NBPF12: variants seen among roughly 807,000 people sequenced by gnomAD.
NBPF12 encodes NBPF family member NBPF12.
In NBPF12, 115 loss-of-function variants were observed where a neutral mutation model predicts 146.4. The observed-to-expected ratio is 0.79, with a 90% CI of 0.68 to 0.92. NBPF12 has a LOEUF of 0.92. Among genes scored for constraint, NBPF12 ranks in the 40% least tolerant of loss-of-function variants. NBPF12 has a pLI of 0.00. For synonymous variants in NBPF12, 385 were observed against 508.9 expected, an observed-to-expected ratio of 0.76 and a Z score of 3.28; for missense variants, 1,205 against 1,326.8, an observed-to-expected ratio of 0.91 and a Z score of 1.43.
chr1:146,970,566 C>G, intron 11 of NBPF12, 81 bp from the exon 15 acceptor site: 1 of 1,528,650 alleles, frequency 6.5e-7, no homozygotes, highest in Non-Finnish European at 9.0e-7. Flanking sequence ...CATAGATGTT[C>G]ATGTCTCTGT....
chr1:146,947,647 T>G (rs1488472736), upstream of NBPF12, among the ~76,000 whole-genome samples: 88 of 131,418 alleles, frequency 6.7e-4, 1 homozygote, highest in African/African-American at 2.4e-3. Context: ...TGAACCTGTT[T>G]GTAGTCATTT....
At chr1:146,972,725 C>T (rs1553886756) in intron 13 of NBPF12, 26 bp from the exon 17 acceptor site, 74 of 1,369,416 alleles carry the variant, frequency 5.4e-5, no homozygotes, top group Non-Finnish European at 7.1e-5. Flanking sequence ...TTTAACCCAT[C>T]ATGTGTTTGC....
At chr1:146,961,279 T>C (rs1176406361) in intron 4 of NBPF12, among the ~76,000 whole-genome samples, 8 of 151,518 alleles carry the variant, frequency 5.3e-5, no homozygotes, top group East Asian at 1.9e-4. Flanking sequence ...CACCCGAGAA[T>C]GTGTGGAAGC....
At chr1:146,944,247 C>T (rs1654922931) in intron 2 of NBPF12, among the ~76,000 whole-genome samples, 2 of 130,702 alleles carry the variant, frequency 1.5e-5, no homozygotes, top group African/African-American at 5.7e-5. Context: ...GTACCATGCC[C>T]TGCTCTGGGC....
At chr1:146,981,323 A>C (rs1191090029) in intron 19 of NBPF12, among the ~76,000 whole-genome samples, 3 of 144,362 alleles carry the variant, frequency 2.1e-5, no homozygotes, top group Non-Finnish European at 4.5e-5. Context: ...ATACATACAC[A>C]CAAAAAATAA....
At chr1:146,962,397 A>G (rs1408849932) in intron 5 of NBPF12, 134 bp downstream of exon 8, 3 of 722,860 alleles carry the variant, frequency 4.2e-6, no homozygotes, top group African/African-American at 3.5e-5. Context: ...CTCATGACAC[A>G]CAAATATTTA....
At chr1:146,962,912 A>G (rs1207723859) in intron 5 of NBPF12, among the ~76,000 whole-genome samples, 183 bp from the exon 9 acceptor site, 5 of 151,344 alleles carry the variant, frequency 3.3e-5, no homozygotes, top group Non-Finnish European at 5.9e-5. Context: ...CCTCTCTGAT[A>G]GAGGGAAAGC....
chr1:146,960,568 G>A (rs1655785203), intron 4 of NBPF12, among the ~76,000 whole-genome samples: 1 of 151,980 alleles, frequency 6.6e-6, no homozygotes, highest in Admixed American at 6.5e-5. Flanking sequence ...TCTGACACAG[G>A]CACAGAATGA....
intron 31 of NBPF12, among the ~76,000 whole-genome samples, chr1:146,992,494 G>GTC (rs1658257784): frequency 8.3e-6 from 1 of 120,818 alleles, no homozygotes. Context: ...GTGTGTGTGT[G>GTC]TGTGTGTGTG....
upstream of NBPF12, among the ~76,000 whole-genome samples, chr1:146,945,125 T>A (rs1654990571): frequency 6.7e-6 from 1 of 149,622 alleles, no homozygotes; most frequent in Admixed American, 6.6e-5. Context: ...CTTTCCTTTC[T>A]TCTTTTCTTT....
chr1:146,984,575 CACTGTGTGTGTGTGTG>C (rs1312806717), intron 21 of NBPF12, among the ~76,000 whole-genome samples: 3 of 125,114 alleles, frequency 2.4e-5, no homozygotes, highest in East Asian at 2.4e-4. Context: ...ACTGAGCTCA[CACTGTGTGTGTGTGTG>C]TGTGTGTGTG....
upstream of NBPF12, among the ~76,000 whole-genome samples, chr1:146,938,412 C>T (rs1654628463): frequency 6.6e-6 from 1 of 152,084 alleles, no homozygotes; most frequent in African/African-American, 2.4e-5. Context: ...GTGTGTCTCC[C>T]GCCTCTTTAA....
upstream of NBPF12, among the ~76,000 whole-genome samples, chr1:146,938,521 CG>C (rs1654634330): frequency 6.7e-6 from 1 of 149,906 alleles, no homozygotes; most frequent in Non-Finnish European, 1.5e-5. Context: ...GGGATTTTCC[CG>C]TCCCCGCTGC....
At chr1:146,963,063 A>G (rs1263487498) in intron 5 of NBPF12, 32 bp from the exon 9 acceptor site, 36 of 1,610,098 alleles carry the variant, frequency 2.2e-5, no homozygotes, top group South Asian at 3.3e-5. Flanking sequence ...AACGCTTTTC[A>G]CTGTTAAATT....
chr1:146,970,429 G>A (rs1298000340), intron 11 of NBPF12, among the ~76,000 whole-genome samples: 3 of 150,994 alleles, frequency 2.0e-5, no homozygotes, highest in Non-Finnish European at 2.9e-5. Context: ...GGTCTTTTCA[G>A]TATTTGGCCA....
rs1461873933 is a variant in NBPF12, at chr1:146,995,755, CA to C, written c.*1181del. On this transcript the variant is annotated 3_prime_UTR_variant, in exon 34 of 34. Coordinates refer to ENST00000617844, the Ensembl canonical transcript of NBPF12. ...AGTTTGTCCATCACCATTATGATAT[CA>C]GGACTGGTTACTTGGTTAAGGAGGG... 2.7e-5 allele frequency: 4 copies of C among 150,530 alleles called. No homozygotes were observed. The East Asian group carries it at 7.9e-4, about 30-fold the overall frequency. The allele number at this position is 150,530 out of a possible 1,614,324, so 9.3% of individuals were successfully genotyped here. A position where few individuals can be genotyped will look rare whatever the true frequency, so the allele number is the denominator to read the frequency against.
intron 11 of NBPF12, among the ~76,000 whole-genome samples, chr1:146,970,128 T>C (rs1379348938): frequency 6.6e-6 from 1 of 150,708 alleles, no homozygotes. Flanking sequence ...AGGCACTTGA[T>C]GTGGGGGCAT....
intron 2 of NBPF12, among the ~76,000 whole-genome samples, chr1:146,954,762 A>G (rs1655488758): frequency 6.6e-6 from 1 of 150,476 alleles, no homozygotes; most frequent in South Asian, 2.1e-4. Flanking sequence ...AATCAAGATT[A>G]TGTGTTTTGT....
chr1:146,970,718 A>G (rs1388869766), exon 12 of NBPF12: 1 of 1,359,102 alleles, frequency 7.4e-7, no homozygotes, highest in African/African-American at 1.4e-5. Context: ...ATCTTCCCCC[A>G]GGTGACACTG....
Sources: gnomAD v4.1 joint callset for allele counts (sites outside exome capture counted in the v4.1 genomes callset) on GRCh38, gnomAD v4.1.1 for gene constraint, MANE v1.5 for transcripts, NCBI Gene and HGNC (gene_info 2026-07-23, HGNC 2026-07-21) for gene names.